Variants in PRKN observed in about 807,000 individuals in gnomAD.
PRKN encodes parkin RBR E3 ubiquitin protein ligase, also known as E3 ubiquitin-protein ligase parkin.
Under a neutral mutation model 59.5 loss-of-function variants are expected in PRKN, and 56 were observed. The ratio of observed to expected loss-of-function variants is 0.94; its 90% CI spans 0.76 to 1.18. The LOEUF (loss-of-function observed/expected upper bound fraction) is 1.18, where lower values mean the gene tolerates loss of function less well. Among genes scored for constraint, PRKN ranks in the 50% most tolerant of loss-of-function variants. The pLI is 0.00. For missense variants in PRKN, 657 were observed against 596.4 expected, an observed-to-expected ratio of 1.10 and a Z score of -1.06; for synonymous variants, 250 against 222.1, an observed-to-expected ratio of 1.13 and a Z score of -1.12.
chr6:161,919,765 C>T (rs1031954163), intron 6 of PRKN, among the ~76,000 whole-genome samples: 1 of 152,186 alleles, frequency 6.6e-6, no homozygotes, highest in Admixed American at 6.5e-5. Flanking sequence ...GGAGACTGTA[C>T]AGGGGTCTAC....
At chr6:162,388,138 C>T (rs898287820) in intron 2 of PRKN, among the ~76,000 whole-genome samples, 8 of 152,114 alleles carry the variant, frequency 5.3e-5, no homozygotes, top group African/African-American at 1.9e-4. Flanking sequence ...TTATGTTCTT[C>T]GGGCTGGCCC....
chr6:162,607,795 C>A (rs1781985763), intron 1 of PRKN, among the ~76,000 whole-genome samples: 1 of 152,088 alleles, frequency 6.6e-6, no homozygotes, highest in Admixed American at 6.6e-5. Context: ...CCATATGTTA[C>A]TTTTCATTTC....
intron 7 of PRKN, among the ~76,000 whole-genome samples, chr6:161,675,629 TCTCTTGCTG>T (rs1554291513): frequency 6.6e-6 from 1 of 152,176 alleles, no homozygotes; most frequent in Non-Finnish European, 1.5e-5. Context: ...TGTTATATGC[TCTCTTGCTG>T]CTTACTATGC....
chr6:162,704,300 T>C (rs983386577), intron 1 of PRKN, among the ~76,000 whole-genome samples: 6 of 152,138 alleles, frequency 3.9e-5, no homozygotes, highest in Non-Finnish European at 5.9e-5. Context: ...AACCTTCCTT[T>C]AGGAAGCCAA....
chr6:161,972,826 G>C (rs2128251826), intron 6 of PRKN, among the ~76,000 whole-genome samples: 1 of 152,332 alleles, frequency 6.6e-6, no homozygotes, highest in Non-Finnish European at 1.5e-5. Flanking sequence ...GAGGTCAGGA[G>C]TTCAAGACCA....
chr6:161,403,010 C>T (rs965057032), intron 9 of PRKN, among the ~76,000 whole-genome samples: 5 of 152,140 alleles, frequency 3.3e-5, no homozygotes, highest in Non-Finnish European at 5.9e-5. Context: ...CCCGAATTTG[C>T]TGTTCCCCAA....
At chr6:161,522,732 T>G (rs778089701) in intron 9 of PRKN, among the ~76,000 whole-genome samples, 1 of 152,238 alleles carries the variant, frequency 6.6e-6, no homozygotes, top group Non-Finnish European at 1.5e-5. Context: ...GACAGCAGCA[T>G]TGTCCTATCT....
At position 161,554,403 on chromosome 6, in the gene PRKN, T is replaced by TACACACACACACACAC. The variant is rs57551959; in HGVS notation, c.934-5416_934-5401dup. 2.7e-5 allele frequency among the ~76,000 whole-genome samples: 4 copies of TACACACACACACACAC among 147,086 alleles called. No homozygotes were observed. The highest frequency in any genetic ancestry group is 3.0e-5 in the Non-Finnish European group (2 of 66,874). ...TAACCTTCATGTTATCTTACTTCTA[T>TACACACACACACACAC]ACACACACACACACACACACACACA... On this transcript the variant is annotated intron_variant, in intron 8 of 11. Coordinates refer to ENST00000366898, the MANE Select transcript of PRKN (RefSeq NM_004562.3). This position sits in a 1 kb window ranked among gnomAD's most constrained non-coding sequence, Gnocchi z 4.5.
intron 6 of PRKN, among the ~76,000 whole-genome samples, chr6:161,861,412 C>T (rs1793890626): frequency 6.6e-6 from 1 of 152,062 alleles, no homozygotes; most frequent in Non-Finnish European, 1.5e-5. Context: ...ACTTCACACA[C>T]CAGGGCCTGT....
At chr6:162,275,360 T>C (rs923165373) in intron 2 of PRKN, 32 of 152,076 alleles carry the variant, frequency 2.1e-4, no homozygotes, top group African/African-American at 7.7e-4. Flanking sequence ...CAATAGCTAT[T>C]TTGTTACTCA....
At chr6:161,747,952 A>C (rs1788502517) in intron 7 of PRKN, among the ~76,000 whole-genome samples, 1 of 152,166 alleles carries the variant, frequency 6.6e-6, no homozygotes, top group Non-Finnish European at 1.5e-5. Flanking sequence ...AACCTAAATG[A>C]GGTGGATTAT....
intron 7 of PRKN, among the ~76,000 whole-genome samples, chr6:161,710,562 T>C (rs576150796): frequency 6.6e-6 from 1 of 152,254 alleles, no homozygotes; most frequent in Admixed American, 6.5e-5. Context: ...CTCACTGTTC[T>C]ACAGGCATTT....
Position 162,084,000 on chromosome 6 carries a change from A to T in PRKN, c.535-29826T>A, listed in dbSNP as rs114014185. ...AATAATTTGATTATAATTGAAAATTAAAAAATAATTTTAGAAAGAATTGAA... is the reference window on the plus strand; with the variant it reads ...AATAATTTGATTATAATTGAAAATTTAAAAATAATTTTAGAAAGAATTGAA... On this transcript the variant is annotated intron_variant, in intron 4 of 11. Coordinates refer to ENST00000366898, the MANE Select transcript of PRKN (RefSeq NM_004562.3). Among the ~76,000 whole-genome samples, 1,496 of 152,256 alleles carry T rather than the reference A, an allele frequency of 9.8e-3. 32 individuals carry two copies. The highest frequency in any genetic ancestry group is 0.034 in the African/African-American group (1,428 of 41,502).
intron 1 of PRKN, among the ~76,000 whole-genome samples, chr6:162,717,760 T>C (rs2849512): frequency 0.25 from 37,682 of 152,098 alleles, 5,867 homozygotes; most frequent in Non-Finnish European, 0.36. Context: ...ATGGTTCTAA[T>C]GTTTGTTTTC....
At position 162,265,761 on chromosome 6, in the gene PRKN, C is replaced by G. The variant is rs1446036737; in HGVS notation, c.172-2996G>C. 2.6e-5 allele frequency among the ~76,000 whole-genome samples: 4 copies of G among 152,122 alleles called. No homozygotes were observed. The East Asian group carries it at 7.7e-4, about 29-fold the overall frequency. On this transcript the variant is annotated intron_variant, in intron 2 of 11. Transcript: ENST00000366898. ...CCTGAGTCCAACCCACTGAGGTGAC[C>G]AAGTGCAGCCACACTCACAGCATGA...
chr6:162,629,569 T>C (rs1352209929), intron 1 of PRKN, among the ~76,000 whole-genome samples: 1 of 152,172 alleles, frequency 6.6e-6, no homozygotes, highest in African/African-American at 2.4e-5. Flanking sequence ...AATTAATTGA[T>C]AAAAGTTTCA....
intron 1 of PRKN, among the ~76,000 whole-genome samples, chr6:162,589,649 C>T (rs1583863813): frequency 6.6e-6 from 1 of 152,162 alleles, no homozygotes; most frequent in African/African-American, 2.4e-5. Context: ...GAATGTGGCT[C>T]TAAGCCTTCC....
At chr6:161,989,538 AC>A (rs1232001144) in intron 5 of PRKN, among the ~76,000 whole-genome samples, 2 of 151,332 alleles carry the variant, frequency 1.3e-5, no homozygotes, top group African/African-American at 2.4e-5. Flanking sequence ...GGTCAGTTAC[AC>A]CCCCCACCAC....
intron 6 of PRKN, among the ~76,000 whole-genome samples, chr6:161,972,263 A>G (rs1257810200): frequency 1.3e-5 from 2 of 148,454 alleles, no homozygotes; most frequent in Non-Finnish European, 3.0e-5. Context: ...AACAAGAGCG[A>G]AACTCCTTCT....
Sources: allele counts gnomAD v4.1 joint callset (sites outside exome capture counted in the v4.1 genomes callset), GRCh38; gene constraint gnomAD v4.1.1; non-coding constraint Gnocchi (gnomAD v3.1); transcripts MANE v1.5; gene names NCBI Gene and HGNC (gene_info 2026-07-23, HGNC 2026-07-21).